Variants in DPY19L3 observed in about 807,000 individuals in gnomAD.
DPY19L3 encodes the protein protein C-mannosyl-transferase DPY19L3.
In DPY19L3, 51 loss-of-function variants were observed where a neutral mutation model predicts 92.3. That is an observed-to-expected ratio of 0.55 (90% confidence interval 0.44 to 0.70). The LOEUF (loss-of-function observed/expected upper bound fraction) is 0.70. Ranked by LOEUF, DPY19L3 falls within the 30% of genes least tolerant of loss-of-function variation. The pLI, the probability that DPY19L3 is intolerant of heterozygous loss-of-function variation, is 0.00. For missense variants in DPY19L3, 706 were observed against 855.9 expected, an observed-to-expected ratio of 0.82 and a Z score of 2.18; for synonymous variants, 309 against 315.2, an observed-to-expected ratio of 0.98 and a Z score of 0.21.
intron 8 of DPY19L3, among the ~76,000 whole-genome samples, chr19:32,443,222 G>A (rs979779636): frequency 3.3e-5 from 5 of 152,192 alleles, no homozygotes; most frequent in African/African-American, 1.2e-4. Flanking sequence ...CCAGCAATAA[G>A]GAAGTACACC....
intron 3 of DPY19L3, chr19:32,411,803 T>C: frequency 6.0e-6 from 1 of 167,212 alleles, no homozygotes; most frequent in Non-Finnish European, 1.3e-5. Context: ...CCTGACCTTG[T>C]GATCTGCCTG....
intron 3 of DPY19L3, among the ~76,000 whole-genome samples, chr19:32,419,599 A>G (rs1218968924): frequency 6.6e-6 from 1 of 151,764 alleles, no homozygotes; most frequent in Non-Finnish European, 1.5e-5. Flanking sequence ...GGTGCCAGCT[A>G]ATTTTTTCAT....
chr19:32,467,884 C>T (rs887735390), intron 15 of DPY19L3: 1 of 985,112 alleles, frequency 1.0e-6, no homozygotes, highest in Non-Finnish European at 1.2e-6. Flanking sequence ...GTAATTTTTA[C>T]ATTTTATTTA....
intron 8 of DPY19L3, among the ~76,000 whole-genome samples, chr19:32,451,441 C>A (rs979324780): frequency 6.6e-6 from 1 of 152,110 alleles, no homozygotes; most frequent in African/African-American, 2.4e-5. Context: ...TCCTAAAGAT[C>A]ATCAGCATCC....
chr19:32,485,754 G>GA lies in DPY19L3; in HGVS notation c.*3515dup, dbSNP rs775377426. On this transcript the variant is annotated 3_prime_UTR_variant, in exon 19 of 19. Coordinates refer to ENST00000392250, the MANE Select transcript of DPY19L3 (RefSeq NM_001172774.2). ...TCATGGAAAAAAGCTTTTGAGATGA[G>GA]AGGGTGTCTTACTTTCTTGTGGCAA... 3.3e-5 allele frequency: 5 copies of GA among 152,214 alleles called. No homozygotes were observed. The highest frequency in any genetic ancestry group is 5.9e-5 in the Non-Finnish European group (4 of 68,038). The allele number at this position is 152,214 out of a possible 1,614,324, so 9.4% of individuals were successfully genotyped here. A position where few individuals can be genotyped will look rare whatever the true frequency, so the allele number is the denominator to read the frequency against.
intron 3 of DPY19L3, among the ~76,000 whole-genome samples, chr19:32,426,206 CCT>C (rs1393765798): frequency 6.6e-6 from 1 of 152,218 alleles, no homozygotes; most frequent in Non-Finnish European, 1.5e-5. Flanking sequence ...AGCTTCCTCA[CCT>C]CTCTAGCCTT....
intron 8 of DPY19L3, among the ~76,000 whole-genome samples, chr19:32,451,813 C>T (rs1485483881): frequency 6.6e-6 from 1 of 152,092 alleles, no homozygotes; most frequent in East Asian, 1.9e-4. Flanking sequence ...CATTATGTGC[C>T]AGGCATTTCC....
chr19:32,435,945 C>G (rs771220298), intron 4 of DPY19L3, among the ~76,000 whole-genome samples: 1 of 152,220 alleles, frequency 6.6e-6, no homozygotes, highest in African/African-American at 2.4e-5. Flanking sequence ...TGGAATGTGC[C>G]AGTGTCATGG....
intron 16 of DPY19L3, among the ~76,000 whole-genome samples, chr19:32,470,781 CT>C (rs71336911): frequency 0.031 from 2,841 of 91,116 alleles, 84 homozygotes; most frequent in Admixed American, 0.16. Flanking sequence ...ATTCCTTTGG[CT>C]TTTTTTTTTT....
intron 16 of DPY19L3, among the ~76,000 whole-genome samples, chr19:32,475,424 T>TAGTTC (rs1466455524): frequency 6.6e-6 from 1 of 152,214 alleles, no homozygotes; most frequent in African/African-American, 2.4e-5. Flanking sequence ...TAAATCTGTC[T>TAGTTC]AGTTCAGAGG....
chr19:32,470,245 C>G (rs1289586111), intron 16 of DPY19L3, among the ~76,000 whole-genome samples: 1 of 152,170 alleles, frequency 6.6e-6, no homozygotes. Flanking sequence ...ATAATTCCTT[C>G]AGTATTTATT....
intron 3 of DPY19L3, among the ~76,000 whole-genome samples, chr19:32,429,233 A>G (rs1018295698): frequency 6.6e-6 from 1 of 152,172 alleles, no homozygotes; most frequent in African/African-American, 2.4e-5. Flanking sequence ...TTCTGTCAAC[A>G]TTGCATTCCC....
intron 15 of DPY19L3, among the ~76,000 whole-genome samples, chr19:32,466,876 A>G (rs757044751): frequency 9.2e-5 from 14 of 152,244 alleles, no homozygotes; most frequent in Non-Finnish European, 1.6e-4. Flanking sequence ...TGGTATGGGT[A>G]TGAGGGGTTA....
chr19:32,481,137 A>G (rs1019871465), intron 18 of DPY19L3: 14 of 199,410 alleles, frequency 7.0e-5, no homozygotes, highest in Non-Finnish European at 1.4e-4. Flanking sequence ...GAGCTATGCC[A>G]GGTCTCAGTA....
At chr19:32,437,816 T>C (rs937320717) in intron 6 of DPY19L3, among the ~76,000 whole-genome samples, 3 of 152,078 alleles carry the variant, frequency 2.0e-5, no homozygotes, top group South Asian at 2.1e-4. Flanking sequence ...ATGAAGACTT[T>C]TAAAATTTTT....
chr19:32,468,578 T>C (rs1970263828), intron 15 of DPY19L3, 153 bp from the exon 16 acceptor site: 1 of 1,333,462 alleles, frequency 7.5e-7, no homozygotes, highest in African/African-American at 1.5e-5. Flanking sequence ...ATTAGGAGGG[T>C]TGCTGCAGAG....
rs142153645 is a variant in DPY19L3, at chr19:32,475,279, T to C, written c.1698-2243T>C. Among the ~76,000 whole-genome samples, 63 of 152,310 alleles carry C rather than the reference T, an allele frequency of 4.1e-4. 2 individuals carry two copies. Among genetic ancestry groups the C allele is most frequent in the African/African-American group, 1.5e-3 (61 of 41,574 alleles). On this transcript the variant is annotated intron_variant, in intron 16 of 18. Coordinates refer to ENST00000392250, the MANE Select transcript of DPY19L3 (RefSeq NM_001172774.2). ...GAAGCTCAGCTGCCGGGTTCGTCTT[T>C]TGTGTAGAAGGCCAGCTTGGCACTG...
chr19:32,411,107 T>C, intron 2 of DPY19L3, 132 bp from the exon 3 acceptor site: 1 of 864,426 alleles, frequency 1.2e-6, no homozygotes, highest in Non-Finnish European at 1.8e-6. Flanking sequence ...GAAAGGACCC[T>C]CCGCTGGAGA....
chr19:32,439,309 T>A, intron 7 of DPY19L3, 74 bp downstream of exon 7: 2 of 1,488,894 alleles, frequency 1.3e-6, no homozygotes, highest in Non-Finnish European at 1.8e-6. Flanking sequence ...TGTGATGTGC[T>A]TAGTATCCCA....
Sources: gnomAD v4.1 joint callset for allele counts (sites outside exome capture counted in the v4.1 genomes callset) on GRCh38, gnomAD v4.1.1 for gene constraint, MANE v1.5 for transcripts, NCBI Gene and HGNC (gene_info 2026-07-23, HGNC 2026-07-21) for gene names.